Variants in FBN1 observed in about 807,000 individuals in gnomAD.
FBN1 encodes the protein fibrillin-1.
FBN1 carries 29 observed loss-of-function variants against 365.1 expected under a neutral mutation model. The observed-to-expected ratio is 0.08, with a 90% confidence interval of 0.06 to 0.11. FBN1 has a LOEUF of 0.11. Ranked by LOEUF, FBN1 falls within the 10% of genes least tolerant of loss-of-function variation. The probability of loss-of-function intolerance (pLI) is 1.00; values close to 1 mark genes in which losing one functional copy is unlikely to be tolerated. For missense variants in FBN1, 2,476 were observed against 3,703.2 expected (o/e 0.67, Z 8.60); for synonymous variants, 1,210 against 1,270.5 (o/e 0.95, Z 1.01).
At chr15:48,537,240 C>T (rs1006630914) in intron 7 of FBN1, among the ~76,000 whole-genome samples, 1 of 152,124 alleles carries the variant, frequency 6.6e-6, no homozygotes, top group African/African-American at 2.4e-5. Context: ...TCAACAGTTT[C>T]AAATGAAGAA....
intron 32 of FBN1, among the ~76,000 whole-genome samples, chr15:48,475,311 T>C (rs901702699): frequency 5.3e-5 from 8 of 152,158 alleles, no homozygotes; most frequent in Admixed American, 2.6e-4. Context: ...CATGTAAAAC[T>C]CAAGTTAATC....
intron 44 of FBN1, among the ~76,000 whole-genome samples, chr15:48,453,887 CCACTTA>C (rs919086869): frequency 6.6e-6 from 1 of 151,682 alleles, no homozygotes; most frequent in African/African-American, 2.4e-5. Flanking sequence ...CTAAACTTTC[CCACTTA>C]GTAATATTTA....
At chr15:48,429,563 G>A (rs563524759) in intron 56 of FBN1, among the ~76,000 whole-genome samples, 2 of 152,306 alleles carry the variant, frequency 1.3e-5, no homozygotes, top group East Asian at 3.9e-4. Flanking sequence ...CCAGAACAGT[G>A]TTAAAACAGG....
At chr15:48,548,705 T>C (rs1242433781) in intron 6 of FBN1, among the ~76,000 whole-genome samples, 1 of 152,156 alleles carries the variant, frequency 6.6e-6, no homozygotes, top group South Asian at 2.1e-4. Context: ...AAAGTGTATA[T>C]GGTTAGAAAA....
rs1597568386 is a variant in FBN1, at chr15:48,494,337, A to C, written c.2678-83T>G. 8 of 1,041,286 alleles carry C rather than the reference A, an allele frequency of 7.7e-6. No homozygotes were observed. The East Asian group carries it at 1.9e-4, about 25-fold the overall frequency. The allele number at this position is 1,041,286 out of a possible 1,614,324, so 64.5% of individuals were successfully genotyped here. A position where few individuals can be genotyped will look rare whatever the true frequency, so the allele number is the denominator to read the frequency against. On this transcript the variant is annotated intron_variant, in intron 22 of 65. Coordinates refer to ENST00000316623, the MANE Select transcript of FBN1 (RefSeq NM_000138.5). ...CTTTGCAGTTCTGACATAGTGTAAG[A>C]AACATGAAAGATGACCTGGAACATG...
chr15:48,596,704 T>A (rs1245079210), intron 5 of FBN1, among the ~76,000 whole-genome samples: 1 of 152,222 alleles, frequency 6.6e-6, no homozygotes, highest in African/African-American at 2.4e-5. Context: ...AAAGACTCTT[T>A]TGCTTATGAT....
At chr15:48,487,705 T>C (rs982624097) in intron 27 of FBN1, among the ~76,000 whole-genome samples, 2 of 152,234 alleles carry the variant, frequency 1.3e-5, no homozygotes, top group Non-Finnish European at 2.9e-5. Flanking sequence ...TTGCTCACAG[T>C]AAGAAATACC....
chr15:48,644,954 C>G lies in FBN1; in HGVS notation c.-181-4G>C. ...CACTTCAGGCGGCCCCTGCCAGCTG[C>G]AACACAGAGACAAATCCCCGAGGCG... On this transcript the variant is annotated splice_region_variant and splice_polypyrimidine_tract_variant and intron_variant, in intron 1 of 65. Transcript: ENST00000316623. 1 of 440,748 alleles carries G rather than the reference C, an allele frequency of 2.3e-6. No homozygotes were observed. The highest frequency in any genetic ancestry group is 3.7e-6 in the Non-Finnish European group (1 of 273,364). 27.3% of individuals were successfully genotyped at this position (440,748 alleles called of 1,614,324 possible).
In FBN1 at chr15:48,460,004, A is replaced by G. The variant is rs112296895; in HGVS notation, c.5296+242T>C. Among the ~76,000 whole-genome samples the G allele has an allele frequency of 4.8e-3, 727 of 152,318 alleles. 9 individuals are homozygous for G. Among genetic ancestry groups the G allele is most frequent in the African/African-American group, 0.017 (687 of 41,564 alleles). ...CCTAAGGTTGGTGTAACTATGCTTGATTGTAATTTTGGGAAAAGCTTTCCA... is the reference window on the plus strand; with the variant it reads ...CCTAAGGTTGGTGTAACTATGCTTGGTTGTAATTTTGGGAAAAGCTTTCCA... On this transcript the variant is annotated intron_variant, in intron 43 of 65. Transcript: ENST00000316623.
At chr15:48,534,816 G>A (rs534920536) in intron 7 of FBN1, among the ~76,000 whole-genome samples, 1 of 152,240 alleles carries the variant, frequency 6.6e-6, no homozygotes, top group South Asian at 2.1e-4. Context: ...AAGTGAGAGA[G>A]ATTGTTAGGT....
intron 8 of FBN1, among the ~76,000 whole-genome samples, chr15:48,526,727 A>G (rs1320229822): frequency 6.6e-6 from 1 of 152,098 alleles, no homozygotes; most frequent in Admixed American, 6.5e-5. Context: ...CTGAGTGCTG[A>G]TCCCAACTTG....
rs1156479272 is a variant in FBN1, at chr15:48,420,787, A to G, written c.7719T>C (p.Gly2573=). 1 of 1,613,836 alleles carries G rather than the reference A, an allele frequency of 6.2e-7. No homozygotes were observed. Among genetic ancestry groups the G allele is most frequent in the Non-Finnish European group, 8.5e-7 (1 of 1,179,986 alleles). ...SSCEDVDECE[G]NHRCQHGCQN... is the part of the protein sequence containing the mutation. Reference sequence around the variant, plus strand: ...GGCAGCCATGCTGGCAGCGGTGGTTACCCTCACACTCGTCCACGTCTGAAA... The same window carrying G: ...GGCAGCCATGCTGGCAGCGGTGGTTGCCCTCACACTCGTCCACGTCTGAAA... The change falls in exon 63 of 66, where the codon GGT becomes GGC. Residue 2573 remains glycine (G), a synonymous_variant. Transcript: ENST00000316623.
chr15:48,590,191 T>C (rs1284753480), intron 6 of FBN1, among the ~76,000 whole-genome samples: 1 of 151,994 alleles, frequency 6.6e-6, no homozygotes, highest in East Asian at 1.9e-4. Context: ...AGAGAAAAAA[T>C]AATAATGAAT....
intron 63 of FBN1, 50 bp downstream of exon 63, chr15:48,420,637 T>C: frequency 6.2e-7 from 1 of 1,612,052 alleles, no homozygotes. Context: ...GTGTTTTGCT[T>C]CATAGGACCT....
chr15:48,508,882 A>C (rs866116263), intron 14 of FBN1, among the ~76,000 whole-genome samples, 178 bp from the exon 15 acceptor site: 17 of 152,220 alleles, frequency 1.1e-4, no homozygotes, highest in Admixed American at 1.3e-4. Flanking sequence ...CATATGAAAT[A>C]CATATCTCAA....
At chr15:48,509,167 G>T (rs1235162585) in intron 14 of FBN1, among the ~76,000 whole-genome samples, 1 of 152,060 alleles carries the variant, frequency 6.6e-6, no homozygotes, top group African/African-American at 2.4e-5. Context: ...AAAACCAGAA[G>T]ATAACTTGTA....
intron 6 of FBN1, among the ~76,000 whole-genome samples, chr15:48,542,732 C>T (rs140489572): frequency 3.4e-5 from 5 of 149,076 alleles, no homozygotes; most frequent in Middle Eastern, 3.4e-3. Flanking sequence ...CAGGCATATA[C>T]GTCTTGCAAA....
intron 6 of FBN1, among the ~76,000 whole-genome samples, chr15:48,542,781 A>G (rs974277032): frequency 2.0e-4 from 26 of 130,572 alleles, no homozygotes; most frequent in Non-Finnish European, 3.1e-4. Flanking sequence ...GGACTCTAAG[A>G]TGTGTGTGTG....
chr15:48,546,385 A>G (rs949272370), intron 6 of FBN1, among the ~76,000 whole-genome samples: 53 of 152,358 alleles, frequency 3.5e-4, no homozygotes, highest in Non-Finnish European at 5.0e-4. Flanking sequence ...AGGAGGTGAC[A>G]TTTAAACTGA....
Sources: allele counts gnomAD v4.1 joint callset (sites outside exome capture counted in the v4.1 genomes callset), GRCh38; gene constraint gnomAD v4.1.1; transcripts MANE v1.5; gene names NCBI Gene and HGNC (gene_info 2026-07-23, HGNC 2026-07-21).